The following PCDH9 variants were observed in gnomAD, a reference collection of about 807,000 sequenced individuals.
PCDH9 encodes the protein protocadherin-9.
A neutral mutation model predicts 70.6 loss-of-function variants in PCDH9; 24 were observed. The ratio of observed to expected loss-of-function variants is 0.34; its 90% CI spans 0.25 to 0.48. PCDH9 has a LOEUF of 0.48. Ranked by LOEUF, PCDH9 falls within the 20% of genes least tolerant of loss-of-function variation. The pLI, the probability that PCDH9 is intolerant of heterozygous loss-of-function variation, is 0.99. For missense variants in PCDH9, 1,281 were observed against 1,503.6 expected (o/e 0.85, Z 2.45); for synonymous variants, 562 against 558.5 (o/e 1.01, Z -0.09).
At chr13:66,568,602 G>A (rs2076686711) in intron 4 of PCDH9, among the ~76,000 whole-genome samples, 1 of 118,126 alleles carries the variant, frequency 8.5e-6, no homozygotes, top group Non-Finnish European at 1.9e-5. Context: ...AGCCCAGAAA[G>A]TCGAAGCTGC....
chr13:66,308,525 G>A (rs1216613104), intron 4 of PCDH9, among the ~76,000 whole-genome samples: 1 of 152,044 alleles, frequency 6.6e-6, no homozygotes, highest in African/African-American at 2.4e-5. Flanking sequence ...ATGAAAGGCA[G>A]AATTTTTTTG....
Position 67,225,424 on chromosome 13 carries a change from C to A in PCDH9, c.3017G>T (p.Gly1006Val), listed in dbSNP as rs1279170500. The A allele has an allele frequency of 6.2e-6, 10 of 1,613,928 alleles. No homozygotes were observed. The highest frequency in any genetic ancestry group is 2.7e-5 in the African/African-American group (2 of 75,018). ...CSSQGGFKTK[G>V]PLHTRQCNSH... ...GTTTACCTGTCTGGTGTGTAAGGGG[C>A]CCTTTGTCTTGAAGCCTCCTTGGGA... Residue 1006 changes from glycine to valine, a missense_variant, in exon 2 of 5, where the codon GGC becomes GTC. Transcript: ENST00000377865.
At chr13:66,638,373 G>C (rs538437432) in intron 3 of PCDH9, among the ~76,000 whole-genome samples, 40 of 152,000 alleles carry the variant, frequency 2.6e-4, no homozygotes, top group Non-Finnish European at 4.9e-4. Flanking sequence ...AGAAATCTAG[G>C]TAAGAAAAAA....
At chr13:66,617,794 A>G (rs1490721673) in intron 4 of PCDH9, among the ~76,000 whole-genome samples, 1 of 152,128 alleles carries the variant, frequency 6.6e-6, no homozygotes, top group Non-Finnish European at 1.5e-5. Context: ...ATGCAATTGG[A>G]GCCTCTGATG....
At chr13:66,676,867 T>C (rs1463280772) in intron 3 of PCDH9, among the ~76,000 whole-genome samples, 1 of 152,174 alleles carries the variant, frequency 6.6e-6, no homozygotes, top group Non-Finnish European at 1.5e-5. Flanking sequence ...CATAATTTTC[T>C]GTAAAATATA....
At chr13:66,717,457 A>G (rs1404070463) in intron 3 of PCDH9, among the ~76,000 whole-genome samples, 1 of 31,082 alleles carries the variant, frequency 3.2e-5, no homozygotes, top group Admixed American at 5.9e-4. Context: ...GTCTCAAAAA[A>G]AAAAAAAAAA....
At chr13:66,731,571 C>T (rs931281676) in intron 3 of PCDH9, among the ~76,000 whole-genome samples, 2 of 152,034 alleles carry the variant, frequency 1.3e-5, no homozygotes, top group African/African-American at 4.8e-5. Flanking sequence ...CAAGCAAGAG[C>T]ATGATGGATT....
chr13:66,520,904 G>A (rs1249578091), intron 4 of PCDH9, among the ~76,000 whole-genome samples: 1 of 152,184 alleles, frequency 6.6e-6, no homozygotes, highest in Admixed American at 6.5e-5. Flanking sequence ...AATACTGGCA[G>A]AAGCTGGTGA....
At chr13:66,859,617 T>C (rs2081449218) in intron 3 of PCDH9, among the ~76,000 whole-genome samples, 1 of 152,196 alleles carries the variant, frequency 6.6e-6, no homozygotes, top group Non-Finnish European at 1.5e-5. Flanking sequence ...TAATACTGTT[T>C]CAGGTAAAGT....
At chr13:66,391,271 C>T (rs1957012936) in intron 4 of PCDH9, among the ~76,000 whole-genome samples, 1 of 152,160 alleles carries the variant, frequency 6.6e-6, no homozygotes, top group South Asian at 2.1e-4. Flanking sequence ...ATTTTACGTT[C>T]TGCATATGTA....
At chr13:66,499,491 A>C (rs566544848) in intron 4 of PCDH9, among the ~76,000 whole-genome samples, 1 of 152,336 alleles carries the variant, frequency 6.6e-6, no homozygotes, top group African/African-American at 2.4e-5. Context: ...GTTAAAAATC[A>C]TGATGCTCAA....
At chr13:66,528,062 A>G (rs1461925892) in intron 4 of PCDH9, among the ~76,000 whole-genome samples, 2 of 152,174 alleles carry the variant, frequency 1.3e-5, no homozygotes. Context: ...ACTCAATTAT[A>G]CAAACAGTAA....
chr13:67,185,881 A>T (rs562904057), intron 2 of PCDH9, among the ~76,000 whole-genome samples: 48 of 152,186 alleles, frequency 3.2e-4, no homozygotes, highest in Admixed American at 4.6e-4. Flanking sequence ...TACAGGCATG[A>T]GCCACCACAC....
chr13:66,416,867 G>GA (rs1957469419), intron 4 of PCDH9, among the ~76,000 whole-genome samples: 1 of 152,162 alleles, frequency 6.6e-6, no homozygotes, highest in South Asian at 2.1e-4. Context: ...CACATCCTGA[G>GA]AAAACGTCTT....
chr13:66,534,774 G>A (rs894620961), intron 4 of PCDH9, among the ~76,000 whole-genome samples: 2 of 152,104 alleles, frequency 1.3e-5, no homozygotes, highest in African/African-American at 4.8e-5. Context: ...TCTAATGAAT[G>A]TAGTATACAT....
At chr13:66,717,082 C>G (rs2078874018) in intron 3 of PCDH9, among the ~76,000 whole-genome samples, 1 of 151,922 alleles carries the variant, frequency 6.6e-6, no homozygotes, top group Non-Finnish European at 1.5e-5. Context: ...ATGAAATTAT[C>G]TAATTTTATT....
At position 67,180,961 on chromosome 13, in the gene PCDH9, A is replaced by G. The variant is rs560732538; in HGVS notation, c.3036+44444T>C. Reference sequence around the variant, plus strand: ...AACTGCAATAAGCATTATCGTTTATAAAGTTAAAGCTCTTCATTTTAAATC... The same window carrying G: ...AACTGCAATAAGCATTATCGTTTATGAAGTTAAAGCTCTTCATTTTAAATC... On this transcript the variant is annotated intron_variant, in intron 2 of 4. Coordinates refer to ENST00000377865, the MANE Select transcript of PCDH9 (RefSeq NM_203487.3). 1.8e-4 allele frequency among the ~76,000 whole-genome samples: 27 copies of G among 152,272 alleles called. 1 individual carries two copies. The highest frequency in any genetic ancestry group is 1.2e-3 in the Admixed American group (18 of 15,292).
intron 4 of PCDH9, among the ~76,000 whole-genome samples, chr13:66,537,849 T>C (rs1479480381): frequency 2.0e-5 from 3 of 152,160 alleles, no homozygotes; most frequent in Non-Finnish European, 4.4e-5. Context: ...TTTTGTTAAA[T>C]GTTCATCTTA....
chr13:67,067,727 A>G (rs1272378228), intron 2 of PCDH9, among the ~76,000 whole-genome samples: 1 of 145,662 alleles, frequency 6.9e-6, no homozygotes, highest in East Asian at 2.2e-4. Context: ...AGTCACTGAT[A>G]TAAGTAAAGA....
Sources: allele counts gnomAD v4.1 joint callset (sites outside exome capture counted in the v4.1 genomes callset), GRCh38; gene constraint gnomAD v4.1.1; transcripts MANE v1.5; gene names NCBI Gene and HGNC (gene_info 2026-07-23, HGNC 2026-07-21).